Variants in SETD7 observed in about 807,000 individuals in gnomAD.
The protein encoded by SETD7 is SET domain containing 7, histone lysine methyltransferase, also known as histone-lysine N-methyltransferase SETD7.
SETD7 carries 16 observed loss-of-function variants against 41.8 expected under a neutral mutation model. The ratio of observed to expected loss-of-function variants is 0.38; its 90% confidence interval spans 0.26 to 0.58. The LOEUF is 0.58. SETD7 is among the 20% of genes least tolerant of loss of function. SETD7 has a pLI of 0.64. For missense variants in SETD7, 346 were observed against 459.7 expected (o/e 0.75, Z 2.26); for synonymous variants, 163 against 169.7 (o/e 0.96, Z 0.31).
chr4:139,513,888 C>A (rs764113823), intron 7 of SETD7, among the ~76,000 whole-genome samples: 43 of 152,220 alleles, frequency 2.8e-4, no homozygotes, highest in Non-Finnish European at 5.6e-4. Flanking sequence ...TGTGTGAACA[C>A]AAAAGTGAAC....
chr4:139,539,694 A>G (rs1579219899), intron 2 of SETD7, among the ~76,000 whole-genome samples: 1 of 152,212 alleles, frequency 6.6e-6, no homozygotes, highest in Non-Finnish European at 1.5e-5. Flanking sequence ...TGTCTCCCCA[A>G]ATTCCTGTGT....
chr4:139,512,274 G>A (rs1339186484), intron 7 of SETD7, among the ~76,000 whole-genome samples: 1 of 152,180 alleles, frequency 6.6e-6, no homozygotes, highest in African/African-American at 2.4e-5. Context: ...TGTATCTCAG[G>A]GAGAAGGCTT....
intron 6 of SETD7, among the ~76,000 whole-genome samples, chr4:139,519,412 T>C (rs916953392): frequency 6.6e-6 from 1 of 152,260 alleles, no homozygotes; most frequent in African/African-American, 2.4e-5. Flanking sequence ...AAGTAAATCA[T>C]ATATCAATAT....
Position 139,508,128 on chromosome 4 carries a change from T to A in SETD7, c.*3535A>T, listed in dbSNP as rs900017204. On this transcript the variant is annotated 3_prime_UTR_variant, in exon 8 of 8. Coordinates refer to ENST00000274031, the MANE Select transcript of SETD7 (RefSeq NM_030648.4). ...CCTTTAATTCACTGTTCACAATTAA[T>A]GCAATTTTAATAGTTATATTTAAAT... is the stretch of plus-strand genomic sequence containing the variant. The A allele has an allele frequency of 6.6e-6, 1 of 152,212 alleles. No individual in the cohort carries two copies. The highest frequency in any genetic ancestry group is 6.5e-5 in the Admixed American group (1 of 15,272). The allele number at this position is 152,212 out of a possible 1,614,324, so 9.4% of individuals were successfully genotyped here. A position where few individuals can be genotyped will look rare whatever the true frequency, so the allele number is the denominator to read the frequency against.
intron 4 of SETD7, among the ~76,000 whole-genome samples, chr4:139,524,970 C>A (rs1049915068): frequency 1.3e-5 from 2 of 152,186 alleles, no homozygotes; most frequent in Non-Finnish European, 2.9e-5. Context: ...GTGCCTGTCA[C>A]CATGCCTGGC....
In SETD7 at chr4:139,508,726, C is replaced by T. The variant is rs752954968; in HGVS notation, c.*2937G>A. 12 of 152,216 alleles carry T rather than the reference C, an allele frequency of 7.9e-5. No individual in the cohort carries two copies. Among genetic ancestry groups the T allele is most frequent in the Admixed American group, 5.9e-4 (9 of 15,290 alleles). 9.4% of individuals were successfully genotyped at this position (152,216 alleles called of 1,614,324 possible). A position where few individuals can be genotyped will look rare whatever the true frequency, so the allele number is the denominator to read the frequency against. ...CTGTGATTCTGATGCGATGAAATGA[C>T]CAGATGCAGCGGCTTCCTGACACAT... On this transcript the variant is annotated 3_prime_UTR_variant, in exon 8 of 8. Coordinates refer to ENST00000274031, the MANE Select transcript of SETD7 (RefSeq NM_030648.4).
Position 139,517,889 on chromosome 4 carries a change from C to T in SETD7, c.916G>A (p.Asp306Asn), listed in dbSNP as rs755336121. The T allele has an allele frequency of 1.2e-5, 19 of 1,612,692 alleles. No individual in the cohort carries two copies. Among genetic ancestry groups the T allele is most frequent in the East Asian group, 2.2e-5 (1 of 44,846 alleles). ...NHSFTPNCIY[D>N]MFVHPRFGPI... Reference sequence around the variant, plus strand: ...GCAGCTCTGGGTAATACTTACATATCGTAGATGCAGTTTGGAGTGAAGGAG... The same window carrying T: ...GCAGCTCTGGGTAATACTTACATATTGTAGATGCAGTTTGGAGTGAAGGAG... Residue 306 changes from aspartate (D) to asparagine (N), a missense_variant, in exon 7 of 8, where the codon GAT (aspartate) becomes AAT (asparagine). By Grantham distance (23) the Asp-to-Asn change is conservative. This residue lies in a region of SETD7 where 75 missense variants were observed against 65.5 expected (regional missense o/e 1.14). Transcript: ENST00000274031.
At chr4:139,518,097 A>G in intron 6 of SETD7, 55 bp from the exon 7 acceptor site, 2 of 1,529,606 alleles carry the variant, frequency 1.3e-6, no homozygotes, top group Non-Finnish European at 1.8e-6. Context: ...CAAAGGTCAA[A>G]GGACATCAGA....
chr4:139,521,868 CAT>C (rs1440545540), intron 5 of SETD7, among the ~76,000 whole-genome samples: 1 of 152,224 alleles, frequency 6.6e-6, no homozygotes, highest in Non-Finnish European at 1.5e-5. Context: ...GTAAAGAAAA[CAT>C]GTGAAACAGA....
intron 3 of SETD7, among the ~76,000 whole-genome samples, chr4:139,529,861 G>C (rs1274699789): frequency 6.6e-6 from 1 of 152,144 alleles, no homozygotes; most frequent in East Asian, 1.9e-4. Context: ...AGAAGGAAAA[G>C]TGAAAAAAGA....
downstream of SETD7, among the ~76,000 whole-genome samples, chr4:139,494,350 G>A (rs896593759): frequency 6.6e-5 from 10 of 152,166 alleles, no homozygotes; most frequent in Admixed American, 2.0e-4. Context: ...ATGTCCTGCT[G>A]TGTCTACTGG....
At chr4:139,554,205 T>C (rs1428868960) in intron 1 of SETD7, among the ~76,000 whole-genome samples, 1 of 152,216 alleles carries the variant, frequency 6.6e-6, no homozygotes, top group African/African-American at 2.4e-5. Flanking sequence ...ATAATGTACA[T>C]AATTACCCTA....
chr4:139,520,369 A>G lies in SETD7; in HGVS notation c.670T>C (p.Ser224Pro), dbSNP rs761257652. The G allele has an allele frequency of 6.2e-7, 1 of 1,607,502 alleles. No homozygotes were observed. Among genetic ancestry groups the G allele is most frequent in the Non-Finnish European group, 8.5e-7 (1 of 1,176,492 alleles). ...GAAAAAAGTCCTTCTCCAGCACTGG[A>G]AATAAGAGATTCAGCAACATAAACC... ...ERVYVAESLI[S>P]SAGEGLFSKV... Residue 224 changes from serine (S) to proline (P), a missense_variant, in exon 6 of 8, where the codon TCC (serine) becomes CCC (proline). By Grantham distance (74) the Ser-to-Pro change is moderately conservative (BLOSUM62 -1). Around this residue, in one of 3 missense-constraint regions of SETD7, gnomAD observed 266 missense variants for 377.0 expected, o/e 0.71. Coordinates refer to ENST00000274031, the MANE Select transcript of SETD7 (RefSeq NM_030648.4).
At chr4:139,546,115 A>T (rs576735839) in intron 2 of SETD7, among the ~76,000 whole-genome samples, 1 of 152,214 alleles carries the variant, frequency 6.6e-6, no homozygotes, top group Non-Finnish European at 1.5e-5. Context: ...GTGTCCTCAG[A>T]CAGGGGATGA....
chr4:139,493,406 T>TG (rs1579191488), downstream of SETD7, among the ~76,000 whole-genome samples: 1 of 151,940 alleles, frequency 6.6e-6, no homozygotes, highest in African/African-American at 2.4e-5. Flanking sequence ...GTACAGTGGG[T>TG]GGGGGAGAAC....
exon 8 of SETD7, chr4:139,496,317 G>T (rs4863655): frequency 0.85 from 592,107 of 692,882 alleles, 254,255 homozygotes; most frequent in East Asian, 0.98. Flanking sequence ...GCCATTATCA[G>T]TAGGCAGAGT....
At chr4:139,530,518 A>G (rs1253860048) in intron 3 of SETD7, among the ~76,000 whole-genome samples, 2 of 152,180 alleles carry the variant, frequency 1.3e-5, no homozygotes, top group Non-Finnish European at 2.9e-5. Flanking sequence ...GTTAATTCTT[A>G]ATAATTGAGC....
chr4:139,543,069 C>A (rs993074965), intron 2 of SETD7, among the ~76,000 whole-genome samples: 4 of 152,216 alleles, frequency 2.6e-5, no homozygotes, highest in African/African-American at 7.2e-5. Flanking sequence ...ATCAGCATAA[C>A]AGGTTTCAAC....
chr4:139,521,632 G>A (rs1370640224), intron 5 of SETD7, among the ~76,000 whole-genome samples: 3 of 152,102 alleles, frequency 2.0e-5, no homozygotes, highest in African/African-American at 4.8e-5. Flanking sequence ...ACTTTGCCAC[G>A]TGACCTTGTA....
Sources: allele counts gnomAD v4.1 joint callset (sites outside exome capture counted in the v4.1 genomes callset), GRCh38; gene constraint gnomAD v4.1.1; regional missense constraint gnomAD v4.1.1; transcripts MANE v1.5; gene names NCBI Gene and HGNC (gene_info 2026-07-23, HGNC 2026-07-21).